The following IFITM10 variants were observed in gnomAD, a reference collection of about 807,000 sequenced individuals.
The protein encoded by IFITM10 is interferon induced transmembrane protein 10.
A neutral mutation model predicts 19.0 loss-of-function variants in IFITM10; 17 were observed. That is an observed-to-expected ratio of 0.90 (90% confidence interval 0.61 to 1.34). The LOEUF (loss-of-function observed/expected upper bound fraction) is 1.34, where lower values mean the gene tolerates loss of function less well. Among genes scored for constraint, IFITM10 ranks in the 40% most tolerant of loss-of-function variants. The pLI is 0.00. For missense variants in IFITM10, 306 were observed against 319.8 expected, an observed-to-expected ratio of 0.96 and a Z score of 0.33; for synonymous variants, 148 against 147.2, an observed-to-expected ratio of 1.01 and a Z score of -0.04.
rs549673806 is a variant in IFITM10, at chr11:1,746,517, G to A, written c.537+1150C>T. 22 of 398,584 alleles carry A rather than the reference G, an allele frequency of 5.5e-5. 1 individual carries two copies. The South Asian group carries it at 2.8e-3, about 51-fold the overall frequency. The allele number at this position is 398,584 out of a possible 1,614,324, so 24.7% of individuals were successfully genotyped here. On this transcript the variant is annotated intron_variant, in intron 2 of 2. Coordinates refer to ENST00000340134, the MANE Select transcript of IFITM10 (RefSeq NM_001170820.4). ...GCCCCTGTGTCAGAGCCCAGGGATGGATCCGCAGGCCCGAGGTTGAAGGTG... is the reference window on the plus strand; with the variant it reads ...GCCCCTGTGTCAGAGCCCAGGGATGAATCCGCAGGCCCGAGGTTGAAGGTG...
rs559472500 is a variant in IFITM10 at position 1,732,805 on chromosome 11, C to T, written c.*2475G>A. 6.6e-6 allele frequency: 1 copy of T among 152,188 alleles called. No individual in the cohort carries two copies. The highest frequency in any genetic ancestry group is 1.5e-5 in the Non-Finnish European group (1 of 68,042). The allele number at this position is 152,188 out of a possible 1,614,324, so 9.4% of individuals were successfully genotyped here. A position where few individuals can be genotyped will look rare whatever the true frequency, so the allele number is the denominator to read the frequency against. ...GACCGTTCCATTTCCCCAACATGAACTCAGAAAGCTTCAGCCAGGCGCAGG... is the reference window on the plus strand; with the variant it reads ...GACCGTTCCATTTCCCCAACATGAATTCAGAAAGCTTCAGCCAGGCGCAGG... On this transcript the variant is annotated 3_prime_UTR_variant, in exon 3 of 3. Coordinates refer to ENST00000340134, the MANE Select transcript of IFITM10 (RefSeq NM_001170820.4).
chr11:1,746,131 T>C (rs1010797298), intron 2 of IFITM10: 4 of 135,794 alleles, frequency 2.9e-5, no homozygotes, highest in Admixed American at 7.2e-5. Flanking sequence ...CCCTCACACA[T>C]TGTGCACACA....
chr11:1,749,454 C>G (rs1382115839), intron 1 of IFITM10, among the ~76,000 whole-genome samples: 3 of 151,170 alleles, frequency 2.0e-5, no homozygotes, highest in African/African-American at 7.3e-5. Flanking sequence ...CGCGGAGCCC[C>G]CAGCCCCGTG....
chr11:1,749,965 C>T (rs1302989426), intron 1 of IFITM10, among the ~76,000 whole-genome samples: 1 of 152,094 alleles, frequency 6.6e-6, no homozygotes, highest in Non-Finnish European at 1.5e-5. Context: ...AGGTCATGCT[C>T]CATCTGCTCG....
At chr11:1,748,696 G>A (rs1158906616) in intron 1 of IFITM10, 1 of 152,248 alleles carries the variant, frequency 6.6e-6, no homozygotes, top group African/African-American at 2.4e-5. Flanking sequence ...CACACAAGGC[G>A]ATGCAGGCTC....
chr11:1,744,633 T>C (rs897928370), intron 2 of IFITM10: 1 of 141,860 alleles, frequency 7.0e-6, no homozygotes, highest in Non-Finnish European at 1.6e-5. Context: ...AATTGGCCCA[T>C]GTGGGTGGGG....
intron 1 of IFITM10, among the ~76,000 whole-genome samples, chr11:1,750,118 G>A (rs773914987): frequency 3.3e-5 from 5 of 152,070 alleles, no homozygotes; most frequent in African/African-American, 7.2e-5. Flanking sequence ...CTGGTCCCCT[G>A]AGGATACTTT....
At chr11:1,746,597 G>C (rs568033252) in intron 2 of IFITM10, 4 of 398,650 alleles carry the variant, frequency 1.0e-5, no homozygotes, top group Non-Finnish European at 1.8e-5. Flanking sequence ...AGGAGCAGGA[G>C]GGGAACGCCG....
In IFITM10 at chr11:1,750,472, C is replaced by G. The variant is rs1845704595; in HGVS notation, c.-30G>C. ...CTCCAAGCCCCATCCTCCCATGAAA[C>G]TCCTTTCTCCTCTGCCACTCTCAAC... On this transcript the variant is annotated 5_prime_UTR_variant, in exon 1 of 3. Coordinates refer to ENST00000340134, the MANE Select transcript of IFITM10 (RefSeq NM_001170820.4). The G allele has an allele frequency of 6.5e-7, 1 of 1,550,174 alleles. No homozygotes were observed.
intron 2 of IFITM10, among the ~76,000 whole-genome samples, chr11:1,736,466 G>C (rs1851087755): frequency 6.6e-6 from 1 of 152,112 alleles, no homozygotes; most frequent in African/African-American, 2.4e-5. Flanking sequence ...AACAAAGGGA[G>C]AGGAGAGAAA....
At chr11:1,735,479 C>A in intron 2 of IFITM10, 50 bp from the exon 3 acceptor site, 1 of 1,527,362 alleles carries the variant, frequency 6.5e-7, no homozygotes, top group Non-Finnish European at 8.8e-7. Context: ...GGGAGCAGGG[C>A]CTTGGAGCAT....
In IFITM10 at chr11:1,735,080, G is replaced by A. The variant is rs997126139; in HGVS notation, c.*200C>T. The A allele has an allele frequency of 1.7e-6, 1 of 586,856 alleles. No homozygotes were observed. 36.4% of individuals were successfully genotyped at this position (586,856 alleles called of 1,614,324 possible). A position where few individuals can be genotyped will look rare whatever the true frequency, so the allele number is the denominator to read the frequency against. ...GCAGGGTGGAGGCCAGGAGGCGGAGGGGGTGGACTGAGGGCCAAGCTCACT... is the reference window on the plus strand; with the variant it reads ...GCAGGGTGGAGGCCAGGAGGCGGAGAGGGTGGACTGAGGGCCAAGCTCACT... On this transcript the variant is annotated 3_prime_UTR_variant, in exon 3 of 3. Transcript: ENST00000340134.
rs1450876968 is a variant in IFITM10, at chr11:1,735,367, C to A, written c.600G>T (p.Arg200=). 1 of 1,551,702 alleles carries A rather than the reference C, an allele frequency of 6.4e-7. No individual in the cohort carries two copies. Among genetic ancestry groups the A allele is most frequent in the South Asian group, 1.2e-5 (1 of 84,062 alleles). Residue 200 remains arginine (R), a synonymous_variant, in exon 3 of 3, where the codon CGG becomes CGT. Transcript: ENST00000340134. ...GGGCAGAACTGGTGATGTTGAACAG[C>A]CGGGCCGTCTTTGCATCCTCCACGG... ...NGAVEDAKTA[R]LFNITSSALA...
At chr11:1,747,317 G>A (rs967264574) in intron 2 of IFITM10, among the ~76,000 whole-genome samples, 1 of 152,098 alleles carries the variant, frequency 6.6e-6, no homozygotes, top group Non-Finnish European at 1.5e-5. Context: ...CTGCTGCCCA[G>A]GTCTACGTCC....
intron 2 of IFITM10, among the ~76,000 whole-genome samples, chr11:1,741,787 A>C (rs1337606302): frequency 6.6e-6 from 1 of 152,162 alleles, no homozygotes; most frequent in African/African-American, 2.4e-5. Context: ...ATGTCCCCCA[A>C]ATTCCTGTAT....
At chr11:1,749,958 T>G (rs59571891) in intron 1 of IFITM10, among the ~76,000 whole-genome samples, 49,551 of 151,714 alleles carry the variant, frequency 0.33, 9,796 homozygotes, top group African/African-American at 0.55. Context: ...AGACCCCAGG[T>G]CATGCTCCAT....
At chr11:1,740,819 G>A (rs1475534775) in intron 2 of IFITM10, among the ~76,000 whole-genome samples, 1 of 152,124 alleles carries the variant, frequency 6.6e-6, no homozygotes, top group East Asian at 1.9e-4. Flanking sequence ...GGTGGGAGGT[G>A]TTTGGCTCAT....
intron 2 of IFITM10, among the ~76,000 whole-genome samples, chr11:1,743,839 T>G (rs1284851634): frequency 1.3e-5 from 2 of 152,156 alleles, no homozygotes; most frequent in African/African-American, 2.4e-5. Context: ...CTACACTGGT[T>G]GCAGATTTCA....
intron 2 of IFITM10, among the ~76,000 whole-genome samples, chr11:1,743,333 G>A (rs1845593558): frequency 7.2e-6 from 1 of 138,334 alleles, no homozygotes; most frequent in African/African-American, 3.2e-5. Flanking sequence ...AACGGAAGAT[G>A]GATGGATGGA....
Sources: allele counts gnomAD v4.1 joint callset (sites outside exome capture counted in the v4.1 genomes callset), GRCh38; gene constraint gnomAD v4.1.1; transcripts MANE v1.5; gene names NCBI Gene and HGNC (gene_info 2026-07-23, HGNC 2026-07-21).